Variants in TSNARE1 observed in about 807,000 individuals in gnomAD.
TSNARE1 encodes the protein t-SNARE domain containing 1, also known as t-SNARE domain-containing protein 1.
TSNARE1 carries 49 observed loss-of-function variants against 62.0 expected under a neutral mutation model. The ratio of observed to expected loss-of-function variants is 0.79; its 90% confidence interval spans 0.63 to 1.00. The LOEUF is 1.00. Among genes scored for constraint, TSNARE1 ranks in the 50% least tolerant of loss-of-function variants. TSNARE1 has a pLI of 0.00. For synonymous variants in TSNARE1, 328 were observed against 294.4 expected, an observed-to-expected ratio of 1.11 and a Z score of -1.17; for missense variants, 755 against 700.1, an observed-to-expected ratio of 1.08 and a Z score of -0.88.
chr8:142,229,625 T>C, intron 12 of TSNARE1, 46 bp from the exon 13 acceptor site: 1 of 1,579,084 alleles, frequency 6.3e-7, no homozygotes, highest in Non-Finnish European at 8.7e-7. Flanking sequence ...TCCTCCAACC[T>C]CCCATCCTCA....
intron 12 of TSNARE1, among the ~76,000 whole-genome samples, chr8:142,244,118 G>A (rs1259205784): frequency 3.3e-5 from 5 of 152,192 alleles, no homozygotes; most frequent in Non-Finnish European, 5.9e-5. Context: ...CCCGGGAGGC[G>A]GAGCTTGCAG....
intron 13 of TSNARE1, among the ~76,000 whole-genome samples, chr8:142,221,385 C>A (rs1816203989): frequency 6.6e-6 from 1 of 152,258 alleles, no homozygotes; most frequent in Admixed American, 6.5e-5. Context: ...CCGCCACACA[C>A]TTCCCAAATG....
intron 2 of TSNARE1, among the ~76,000 whole-genome samples, chr8:142,349,489 A>G (rs1189508910): frequency 2.0e-5 from 3 of 152,178 alleles, no homozygotes; most frequent in African/African-American, 4.8e-5. Flanking sequence ...CAACTTAAAG[A>G]AAGGAGGGAA....
intron 1 of TSNARE1, among the ~76,000 whole-genome samples, chr8:142,398,474 C>T (rs550522083): frequency 1.1e-3 from 162 of 152,174 alleles, no homozygotes; most frequent in African/African-American, 3.7e-3. Flanking sequence ...CTCCCCTCTC[C>T]ACCTCCTCAC....
intron 4 of TSNARE1, among the ~76,000 whole-genome samples, chr8:142,332,166 T>C (rs945971067): frequency 6.6e-6 from 1 of 152,134 alleles, no homozygotes; most frequent in East Asian, 1.9e-4. Flanking sequence ...CAGAGCAGCA[T>C]CACTAAGAGT....
chr8:142,268,650 C>T (rs145494205), intron 12 of TSNARE1, among the ~76,000 whole-genome samples: 113 of 152,318 alleles, frequency 7.4e-4, no homozygotes, highest in African/African-American at 1.9e-3. Context: ...TCTAATGCAA[C>T]GAAATGTGGG....
At chr8:142,245,998 A>G (rs1383661488) in intron 12 of TSNARE1, among the ~76,000 whole-genome samples, 2 of 152,150 alleles carry the variant, frequency 1.3e-5, no homozygotes, top group African/African-American at 4.8e-5. Flanking sequence ...CCAAAATTCC[A>G]CTGCTGTAAG....
At chr8:142,232,064 G>C (rs1178319529) in intron 12 of TSNARE1, among the ~76,000 whole-genome samples, 1 of 152,368 alleles carries the variant, frequency 6.6e-6, no homozygotes, top group East Asian at 1.9e-4. Context: ...CCACTTCCAG[G>C]CCTGTGCTCC....
At chr8:142,236,454 C>G (rs1817429365) in intron 12 of TSNARE1, among the ~76,000 whole-genome samples, 1 of 152,072 alleles carries the variant, frequency 6.6e-6, no homozygotes, top group East Asian at 1.9e-4. Context: ...GCTGGGCACC[C>G]TCCCTATGCT....
chr8:142,249,713 G>A (rs973302262), intron 12 of TSNARE1, among the ~76,000 whole-genome samples: 13 of 152,188 alleles, frequency 8.5e-5, no homozygotes, highest in East Asian at 3.9e-4. Flanking sequence ...GGTCAATGCC[G>A]TGGAGCAGCA....
At chr8:142,306,113 A>T (rs1826626018) in intron 9 of TSNARE1, among the ~76,000 whole-genome samples, 1 of 152,172 alleles carries the variant, frequency 6.6e-6, no homozygotes, top group East Asian at 1.9e-4. Flanking sequence ...GTTTCCTCCA[A>T]GCAGCAACAG....
At chr8:142,376,305 G>A (rs1330220376) in intron 1 of TSNARE1, among the ~76,000 whole-genome samples, 2 of 152,206 alleles carry the variant, frequency 1.3e-5, no homozygotes, top group African/African-American at 4.8e-5. Context: ...CGACCCTGGG[G>A]CCCAGTGAAC....
At chr8:142,273,769 C>A (rs372006614) in intron 12 of TSNARE1, 1 of 985,384 alleles carries the variant, frequency 1.0e-6, no homozygotes. Flanking sequence ...TCATTCTCCA[C>A]CCAGTCAGGC....
At chr8:142,396,243 A>G (rs1434693671) in intron 1 of TSNARE1, among the ~76,000 whole-genome samples, 1 of 152,016 alleles carries the variant, frequency 6.6e-6, no homozygotes, top group Non-Finnish European at 1.5e-5. Context: ...AAACACACAC[A>G]CACACACGCA....
intron 1 of TSNARE1, among the ~76,000 whole-genome samples, chr8:142,390,324 G>A (rs1442727541): frequency 2.0e-4 from 25 of 121,972 alleles, no homozygotes; most frequent in Admixed American, 5.0e-4. Context: ...TGTACACTGC[G>A]GGGGACTCCG....
intron 1 of TSNARE1, among the ~76,000 whole-genome samples, chr8:142,389,318 T>C (rs1048089970): frequency 1.3e-5 from 2 of 152,018 alleles, no homozygotes; most frequent in Non-Finnish European, 2.9e-5. Flanking sequence ...GAGCAAAAGC[T>C]CCACAACGTC....
intron 12 of TSNARE1, chr8:142,274,280 C>T: frequency 1.0e-6 from 1 of 985,420 alleles, no homozygotes; most frequent in Non-Finnish European, 1.2e-6. Context: ...CTTGTGGTGA[C>T]CACAAGTCAG....
intron 4 of TSNARE1, among the ~76,000 whole-genome samples, chr8:142,341,933 A>G (rs1832639112): frequency 6.6e-6 from 1 of 152,222 alleles, no homozygotes; most frequent in Non-Finnish European, 1.5e-5. Context: ...AGAGACAAGC[A>G]GCCCACAGCC....
rs1274688283 is a variant in TSNARE1, at chr8:142,255,490, ATCACCACCACCACCACTG to A, written c.1446+19273_1446+19290del. Among the ~76,000 whole-genome samples, 84 of 76,930 alleles carry A rather than the reference ATCACCACCACCACCACTG, an allele frequency of 1.1e-3. 6 individuals carry two copies. The highest frequency in any genetic ancestry group is 3.2e-3 in the East Asian group (7 of 2,186). The allele number at this position is 76,930 out of a possible 152,430, so 50.5% of individuals were successfully genotyped here. On this transcript the variant is annotated intron_variant, in intron 12 of 13. Transcript: ENST00000524325. ...CATCACCACCACCATCACCATCATC[ATCACCACCACCACCACTG>A]TCACCATCACCACCACCACCACCAC... is the stretch of plus-strand genomic sequence containing the variant.
Sources: allele counts gnomAD v4.1 joint callset (sites outside exome capture counted in the v4.1 genomes callset), GRCh38; gene constraint gnomAD v4.1.1; transcripts MANE v1.5; gene names NCBI Gene and HGNC (gene_info 2026-07-23, HGNC 2026-07-21).